TNFRSF10B: variants seen among roughly 807,000 people sequenced by gnomAD.
The protein encoded by TNFRSF10B is TNF receptor superfamily member 10b, also known as tumor necrosis factor receptor superfamily member 10B.
Under a neutral mutation model 41.4 loss-of-function variants are expected in TNFRSF10B, and 35 were observed. The ratio of observed to expected loss-of-function variants is 0.85; its 90% CI spans 0.65 to 1.12. The LOEUF (loss-of-function observed/expected upper bound fraction) is 1.12. Ranked by LOEUF, TNFRSF10B falls within the 50% of genes most tolerant of loss-of-function variation. TNFRSF10B has a pLI of 0.00. For synonymous variants in TNFRSF10B, 230 were observed against 215.5 expected (o/e 1.07, Z -0.59); for missense variants, 584 against 552.7 (o/e 1.06, Z -0.57).
chr8:23,042,066 G>A (rs1396199826), intron 2 of TNFRSF10B, among the ~76,000 whole-genome samples: 2 of 152,158 alleles, frequency 1.3e-5, no homozygotes, highest in Non-Finnish European at 2.9e-5. Context: ...TTGGTGCCTC[G>A]ATTGTCCTCA....
At chr8:23,049,080 G>A (rs1006490479) in intron 1 of TNFRSF10B, among the ~76,000 whole-genome samples, 1 of 152,164 alleles carries the variant, frequency 6.6e-6, no homozygotes, top group East Asian at 1.9e-4. Flanking sequence ...TGCTGGTGAG[G>A]TGTGAAGAAA....
At chr8:23,064,501 G>T (rs923419739) in intron 1 of TNFRSF10B, among the ~76,000 whole-genome samples, 12 of 152,166 alleles carry the variant, frequency 7.9e-5, no homozygotes, top group African/African-American at 2.7e-4. Context: ...GCTCATGGGG[G>T]TGTCCATGGG....
chr8:23,027,807 C>G (rs1043627089), intron 5 of TNFRSF10B, 54 bp from the exon 6 acceptor site: 2 of 1,610,828 alleles, frequency 1.2e-6, no homozygotes, highest in Non-Finnish European at 1.7e-6. Flanking sequence ...GAAGCACCCC[C>G]CTCCCAGAGG....
Position 23,022,104 on chromosome 8 carries a change from C to T in TNFRSF10B, c.*567G>A, listed in dbSNP as rs1563303089. The T allele has an allele frequency of 2.4e-6, 1 of 422,574 alleles. No individual in the cohort carries two copies. The highest frequency in any genetic ancestry group is 2.8e-5 in the Admixed American group (1 of 35,734). The allele number at this position is 422,574 out of a possible 1,614,324, so 26.2% of individuals were successfully genotyped here. A position where few individuals can be genotyped will look rare whatever the true frequency, so the allele number is the denominator to read the frequency against. On this transcript the variant is annotated 3_prime_UTR_variant, in exon 9 of 9. Transcript: ENST00000276431. ...AGAGCCCCTATATCTAGACAAAATA[C>T]AAAAAATTAGCCGGGCGTGGTGGTG...
chr8:23,048,161 C>T (rs1471866384), intron 1 of TNFRSF10B, among the ~76,000 whole-genome samples: 8 of 152,126 alleles, frequency 5.3e-5, no homozygotes, highest in Admixed American at 4.6e-4. Context: ...AGGCTGGGCA[C>T]GGTGGCTCAT....
intron 7 of TNFRSF10B, among the ~76,000 whole-genome samples, chr8:23,025,317 T>G (rs912672037): frequency 6.6e-5 from 10 of 152,186 alleles, no homozygotes; most frequent in Admixed American, 2.0e-4. Flanking sequence ...ACTTGAAATA[T>G]TATCTTCTTT....
chr8:23,028,343 C>G lies in TNFRSF10B; in HGVS notation c.736G>C (p.Gly246Arg). Residue 246 changes from glycine to arginine, a missense_variant, in exon 5 of 9, where the codon GGC (glycine) becomes CGC (arginine). Transcript: ENST00000276431. The stretch of plus-strand genomic sequence containing the variant: ...AGCCAGCACCTACCTGAGCAGATGC[C>G]TTTCAGGTAAGGAAGGACTTTCTTC... The part of the protein sequence containing the change: ...LWKKVLPYLK[G>R]ICSGGGGDPE... The G allele has an allele frequency of 1.2e-6, 2 of 1,614,142 alleles. No homozygotes were observed. The highest frequency in any genetic ancestry group is 1.7e-6 in the Non-Finnish European group (2 of 1,180,018).
chr8:23,059,566 G>T (rs1279487018), intron 1 of TNFRSF10B, among the ~76,000 whole-genome samples: 1 of 152,196 alleles, frequency 6.6e-6, no homozygotes, highest in Non-Finnish European at 1.5e-5. Context: ...GAGTGCAGTG[G>T]TGCCATCTCA....
At chr8:23,056,048 TG>T (rs1361034738) in intron 1 of TNFRSF10B, among the ~76,000 whole-genome samples, 1 of 152,208 alleles carries the variant, frequency 6.6e-6, no homozygotes, top group Non-Finnish European at 1.5e-5. Context: ...ATCTCATTAA[TG>T]GGTGGCAAGA....
chr8:23,058,547 A>C (rs762058696), intron 1 of TNFRSF10B, among the ~76,000 whole-genome samples: 4 of 151,248 alleles, frequency 2.6e-5, no homozygotes, highest in African/African-American at 4.9e-5. Flanking sequence ...GTGCCATGGC[A>C]CAATCTCGGC....
chr8:23,035,375 C>T lies in TNFRSF10B; in HGVS notation c.251-4503G>A, dbSNP rs1193824838. 2.0e-5 allele frequency among the ~76,000 whole-genome samples: 3 copies of T among 152,274 alleles called. No individual in the cohort carries two copies. In the South Asian group the frequency reaches 6.2e-4, roughly 32 times the overall value. On this transcript the variant is annotated intron_variant, in intron 2 of 8. Coordinates refer to ENST00000276431, the MANE Select transcript of TNFRSF10B (RefSeq NM_003842.5). Reference sequence around the variant, plus strand: ...CAGGCTGGTCTAGAACTCCTGGTCTCAAGTGACCCAGCCACCTTGGCCTCT... The same window carrying T: ...CAGGCTGGTCTAGAACTCCTGGTCTTAAGTGACCCAGCCACCTTGGCCTCT...
rs546700477 is a variant in TNFRSF10B at position 23,021,719 on chromosome 8, A to G, written c.*952T>C. ...ACAACTACCTATAAATAATACTCAT[A>G]TACTTGTAAGGTTGTCCAGTTCAAA... On this transcript the variant is annotated 3_prime_UTR_variant, in exon 9 of 9. Coordinates refer to ENST00000276431, the MANE Select transcript of TNFRSF10B (RefSeq NM_003842.5). 2.2e-6 allele frequency: 1 copy of G among 454,110 alleles called. No homozygotes were observed. Among genetic ancestry groups the G allele is most frequent in the East Asian group, 6.9e-5 (1 of 14,396 alleles). 28.1% of individuals were successfully genotyped at this position (454,110 alleles called of 1,614,324 possible).
Position 23,064,721 on chromosome 8 carries a change from A to C in TNFRSF10B, c.144+4030T>G, listed in dbSNP as rs567910935. Among the ~76,000 whole-genome samples the C allele has an allele frequency of 1.3e-3, 193 of 152,320 alleles. 1 individual carries two copies. The highest frequency in any genetic ancestry group is 2.1e-3 in the Non-Finnish European group (143 of 68,022). On this transcript the variant is annotated intron_variant, in intron 1 of 8. Coordinates refer to ENST00000276431, the MANE Select transcript of TNFRSF10B (RefSeq NM_003842.5). ...ATAAAACCTGCTAATATTTCTCGTC[A>C]AAAATTAACCCGAGTAACCTCTTCT...
rs895397475 is a variant in TNFRSF10B, at chr8:23,068,897, C to A, written c.-3G>T. On this transcript the variant is annotated 5_prime_UTR_variant, in exon 1 of 9. Transcript: ENST00000276431. ...GCGTTCTGTCCCCGTTGTTCCATGG[C>A]GGTAGGGAACGCTCTTATAGTCTCT... The A allele has an allele frequency of 1.9e-6, 3 of 1,613,292 alleles. No individual in the cohort carries two copies. The highest frequency in any genetic ancestry group is 1.7e-6 in the Non-Finnish European group (2 of 1,179,958).
chr8:23,044,330 G>C (rs1234771796), intron 1 of TNFRSF10B, among the ~76,000 whole-genome samples: 1 of 152,188 alleles, frequency 6.6e-6, no homozygotes, highest in Non-Finnish European at 1.5e-5. Flanking sequence ...ATTGCACTAT[G>C]TAAAAATTAA....
intron 4 of TNFRSF10B, 82 bp from the exon 5 acceptor site, chr8:23,028,684 C>A: frequency 6.5e-7 from 1 of 1,542,986 alleles, no homozygotes; most frequent in South Asian, 1.1e-5. Flanking sequence ...ACCCTCCCTC[C>A]CCAGTGTCCC....
chr8:23,040,505 A>C (rs1159286975), intron 2 of TNFRSF10B, among the ~76,000 whole-genome samples: 1 of 147,260 alleles, frequency 6.8e-6, no homozygotes, highest in African/African-American at 2.5e-5. Flanking sequence ...AATATATTTT[A>C]AAATATGCAG....
intron 8 of TNFRSF10B, 64 bp from the exon 9 acceptor site, chr8:23,023,048 C>T: frequency 6.3e-7 from 1 of 1,581,740 alleles, no homozygotes. Flanking sequence ...GAGGATTCCA[C>T]ATCAGGCCCA....
At chr8:23,066,489 A>G (rs997674686) in intron 1 of TNFRSF10B, among the ~76,000 whole-genome samples, 19 of 152,204 alleles carry the variant, frequency 1.2e-4, no homozygotes, top group African/African-American at 4.3e-4. Flanking sequence ...ATGGGGGAAA[A>G]AAAAGAACAG....
Sources: gnomAD v4.1 joint callset for allele counts (sites outside exome capture counted in the v4.1 genomes callset) on GRCh38, gnomAD v4.1.1 for gene constraint, MANE v1.5 for transcripts, NCBI Gene and HGNC (gene_info 2026-07-23, HGNC 2026-07-21) for gene names.